Variants in PHLPP1 observed in about 807,000 individuals in gnomAD.
The protein encoded by PHLPP1 is PH domain leucine-rich repeat-containing protein phosphatase 1.
PHLPP1 carries 42 observed loss-of-function variants against 117.2 expected under a neutral mutation model. That is an observed-to-expected ratio of 0.36 (90% CI 0.28 to 0.46). The LOEUF (loss-of-function observed/expected upper bound fraction) is 0.46, where lower values mean the gene tolerates loss of function less well. Among genes scored for constraint, PHLPP1 ranks in the 20% least tolerant of loss-of-function variants. The pLI is 1.00. For missense variants in PHLPP1, 2,084 were observed against 2,241.9 expected, an observed-to-expected ratio of 0.93 and a Z score of 1.42; for synonymous variants, 1,042 against 970.7, an observed-to-expected ratio of 1.07 and a Z score of -1.37.
chr18:62,890,670 A>G (rs1479334652), intron 4 of PHLPP1, among the ~76,000 whole-genome samples: 1 of 152,174 alleles, frequency 6.6e-6, no homozygotes, highest in Non-Finnish European at 1.5e-5. Context: ...TGTTTGCACA[A>G]ATGAATTAAA....
intron 16 of PHLPP1, among the ~76,000 whole-genome samples, chr18:62,977,671 T>C (rs551348477): frequency 6.6e-6 from 1 of 152,346 alleles, no homozygotes; most frequent in South Asian, 2.1e-4. Flanking sequence ...TCTCCACCGC[T>C]TAAGTACTTT....
At chr18:62,812,113 C>T (rs543891840) in intron 1 of PHLPP1, among the ~76,000 whole-genome samples, 6 of 152,224 alleles carry the variant, frequency 3.9e-5, no homozygotes, top group Admixed American at 1.3e-4. Flanking sequence ...ATTGTAGGGA[C>T]GTGGCTCTTA....
chr18:62,716,868 C>T lies in PHLPP1; in HGVS notation c.1185C>T (p.Arg395=). 6.6e-7 allele frequency: 1 copy of T among 1,522,958 alleles called. No individual in the cohort carries two copies. Among genetic ancestry groups the T allele is most frequent in the Non-Finnish European group, 8.8e-7 (1 of 1,141,394 alleles). 94.3% of individuals were successfully genotyped at this position (1,522,958 alleles called of 1,614,324 possible). ...SAPTGVPGQP[R]RPGHPAQPLP... is the part of the protein sequence containing the mutation. ...CGACGGGGGTCCCGGGCCAGCCCCG[C>T]CGTCCCGGCCACCCCGCGCAGCCCC... Residue 395 remains arginine, a synonymous_variant, in exon 1 of 17, where the codon CGC becomes CGT. Coordinates refer to ENST00000262719, the MANE Select transcript of PHLPP1 (RefSeq NM_194449.4). This position sits in a 1 kb window ranked among gnomAD's most constrained non-coding sequence, Gnocchi z 5.7.
intron 1 of PHLPP1, among the ~76,000 whole-genome samples, chr18:62,797,742 A>C (rs1913667129): frequency 6.6e-6 from 1 of 152,210 alleles, no homozygotes; most frequent in Admixed American, 6.5e-5. Flanking sequence ...TGTTCCCTAC[A>C]TTAAATGATA....
intron 16 of PHLPP1, among the ~76,000 whole-genome samples, chr18:62,976,215 G>C (rs751095472): frequency 1.2e-4 from 18 of 152,160 alleles, no homozygotes; most frequent in Non-Finnish European, 2.5e-4. Flanking sequence ...CATCACAGCT[G>C]GGGCGGAGAG....
intron 3 of PHLPP1, among the ~76,000 whole-genome samples, chr18:62,852,214 A>G (rs913386270): frequency 2.0e-5 from 3 of 152,100 alleles, no homozygotes; most frequent in African/African-American, 7.2e-5. Flanking sequence ...TTTCCATCTC[A>G]TTTAACCATT....
chr18:62,740,490 A>G (rs1248922178), intron 1 of PHLPP1, among the ~76,000 whole-genome samples: 1 of 152,220 alleles, frequency 6.6e-6, no homozygotes, highest in Non-Finnish European at 1.5e-5. Flanking sequence ...GTAGATATAA[A>G]CCAGATGGTA....
At chr18:62,969,512 C>T (rs1213459464) in intron 14 of PHLPP1, among the ~76,000 whole-genome samples, 1 of 152,118 alleles carries the variant, frequency 6.6e-6, no homozygotes, top group African/African-American at 2.4e-5. Flanking sequence ...TGCCAGTTAA[C>T]TCAAGTTGGT....
At chr18:62,766,077 ATATATATATATATATATAT>A (rs1289851800) in intron 1 of PHLPP1, among the ~76,000 whole-genome samples, 3 of 20,976 alleles carry the variant, frequency 1.4e-4, no homozygotes, top group African/African-American at 1.3e-4. Context: ...AAAAAAAAAA[ATATATATATATATATATAT>A]ATATATAAAA....
chr18:62,896,110 A>C lies in PHLPP1; in HGVS notation c.2444+99A>C, dbSNP rs954542916. The C allele has an allele frequency of 4.4e-6, 3 of 680,408 alleles. No homozygotes were observed. The African/African-American group carries it at 5.4e-5, about 12-fold the overall frequency. 42.1% of individuals were successfully genotyped at this position (680,408 alleles called of 1,614,324 possible). On this transcript the variant is annotated intron_variant, in intron 6 of 16. Coordinates refer to ENST00000262719, the MANE Select transcript of PHLPP1 (RefSeq NM_194449.4). ...CCAAGGCAAACAAGCTGGGTAATTG[A>C]ATGTGGGCCCGTTTTTCTATTTCTG...
chr18:62,749,724 G>A (rs1911787004), intron 1 of PHLPP1, among the ~76,000 whole-genome samples: 1 of 152,102 alleles, frequency 6.6e-6, no homozygotes, highest in Admixed American at 6.6e-5. Context: ...CTTCTTATAA[G>A]AATACCAGTC....
intron 15 of PHLPP1, 78 bp downstream of exon 15, chr18:62,972,786 G>C: frequency 9.3e-7 from 1 of 1,070,092 alleles, no homozygotes; most frequent in Non-Finnish European, 1.4e-6. Flanking sequence ...AGAAAAGCAG[G>C]TGCCCAATGG....
intron 1 of PHLPP1, among the ~76,000 whole-genome samples, chr18:62,718,563 G>A (rs902556731): frequency 4.6e-5 from 7 of 152,152 alleles, no homozygotes; most frequent in Non-Finnish European, 1.0e-4. Flanking sequence ...TACTTGTAAA[G>A]AAAACCAAAT....
intron 4 of PHLPP1, among the ~76,000 whole-genome samples, chr18:62,878,004 C>G (rs1222806823): frequency 6.6e-6 from 1 of 152,176 alleles, no homozygotes; most frequent in African/African-American, 2.4e-5. Context: ...GGGAGAGAGG[C>G]TGGTATCTTC....
At chr18:62,899,216 C>G (rs1916653495) in intron 6 of PHLPP1, among the ~76,000 whole-genome samples, 1 of 152,152 alleles carries the variant, frequency 6.6e-6, no homozygotes, top group Non-Finnish European at 1.5e-5. Context: ...AAATAGGTCT[C>G]CTTCACCATA....
intron 1 of PHLPP1, among the ~76,000 whole-genome samples, chr18:62,776,614 T>G (rs1056670537): frequency 5.3e-5 from 8 of 151,670 alleles, no homozygotes; most frequent in Admixed American, 1.3e-4. Context: ...TGAGTGTTTT[T>G]TTTTTTTTTT....
At chr18:62,839,146 C>G (rs1862039979) in intron 3 of PHLPP1, 1 of 454,412 alleles carries the variant, frequency 2.2e-6, no homozygotes, top group South Asian at 3.2e-5. Context: ...GGTCTGTAAA[C>G]AGGCATTACT....
At chr18:62,746,580 AT>A (rs755024184) in intron 1 of PHLPP1, among the ~76,000 whole-genome samples, 39 of 152,136 alleles carry the variant, frequency 2.6e-4, no homozygotes, top group Non-Finnish European at 4.6e-4. Context: ...AAAATGTATT[AT>A]AGGCCATTTC....
At position 62,860,553 on chromosome 18, in the gene PHLPP1, G is replaced by A; in HGVS notation, c.2018G>A (p.Arg673Lys). Residue 673 changes from arginine (R) to lysine (K), a missense_variant, in exon 4 of 17, where the codon AGG becomes AAG. By Grantham distance (26) the Arg-to-Lys change is conservative. Around this residue, in one of 2 missense-constraint regions of PHLPP1, gnomAD observed 1,365 missense variants for 1,605.9 expected, o/e 0.85. Transcript: ENST00000262719. ...THLNLKQNFL[R>K]QNPSLPAARG... Reference sequence around the variant, plus strand: ...CTCAATTTAAAACAAAACTTCCTAAGGCAGAACCCTAGCCTTCCAGCTGCC... The same window carrying A: ...CTCAATTTAAAACAAAACTTCCTAAAGCAGAACCCTAGCCTTCCAGCTGCC... The A allele has an allele frequency of 1.9e-6, 3 of 1,613,678 alleles. No individual in the cohort carries two copies. Among genetic ancestry groups the A allele is most frequent in the African/African-American group, 2.7e-5 (2 of 75,024 alleles).
Sources: allele counts gnomAD v4.1 joint callset (sites outside exome capture counted in the v4.1 genomes callset), GRCh38; gene constraint gnomAD v4.1.1; regional missense constraint gnomAD v4.1.1; non-coding constraint Gnocchi (gnomAD v3.1); transcripts MANE v1.5; gene names NCBI Gene and HGNC (gene_info 2026-07-23, HGNC 2026-07-21).